The following ARPC4 variants were observed in gnomAD, a reference collection of about 807,000 sequenced individuals.
ARPC4 encodes the protein actin-related protein 2/3 complex subunit 4.
ARPC4 carries 3 observed loss-of-function variants against 22.8 expected under a neutral mutation model. The ratio of observed to expected loss-of-function variants is 0.13; its 90% CI spans 0.06 to 0.34. The LOEUF is 0.34. Ranked by LOEUF, ARPC4 falls within the 10% of genes least tolerant of loss-of-function variation. The probability of loss-of-function intolerance (pLI) is 1.00; values close to 1 mark genes in which losing one functional copy is unlikely to be tolerated. For synonymous variants in ARPC4, 80 were observed against 72.5 expected (o/e 1.10, Z -0.52); for missense variants, 98 against 211.0 (o/e 0.46, Z 3.32).
At chr3:9,804,408 C>T (rs1575335667) in intron 5 of ARPC4, among the ~76,000 whole-genome samples, 1 of 152,204 alleles carries the variant, frequency 6.6e-6, no homozygotes, top group Non-Finnish European at 1.5e-5. Flanking sequence ...CTCAAATAGA[C>T]TTCAGTACTT....
chr3:9,800,037 C>T, intron 2 of ARPC4, 148 bp from the exon 3 acceptor site: 1 of 760,582 alleles, frequency 1.3e-6, no homozygotes, highest in Non-Finnish European at 2.2e-6. Flanking sequence ...AGAACACACT[C>T]ACTGGCCCCC....
At chr3:9,796,162 GGT>G (rs1016470065) in intron 1 of ARPC4, among the ~76,000 whole-genome samples, 2 of 152,056 alleles carry the variant, frequency 1.3e-5, no homozygotes, top group African/African-American at 4.8e-5. Flanking sequence ...GAGAGGCCGA[GGT>G]GGGCGGATTG....
Position 9,803,835 on chromosome 3 carries a change from T to C in ARPC4, c.331-8T>C, listed in dbSNP as rs1288507789. The C allele has an allele frequency of 6.2e-7, 1 of 1,612,526 alleles. No individual in the cohort carries two copies. The highest frequency in any genetic ancestry group is 8.5e-7 in the Non-Finnish European group (1 of 1,178,776). On this transcript the variant is annotated splice_polypyrimidine_tract_variant and splice_region_variant and intron_variant, in intron 4 of 5. Transcript: ENST00000397261. ...TCTCTTCCCCCTCCCTACTGTCTTC[T>C]TCCCTAGGGGTATGATATCAGCTTT...
At chr3:9,803,797 C>A (rs910429165) in intron 4 of ARPC4, 46 bp from the exon 5 acceptor site, 2 of 1,585,914 alleles carry the variant, frequency 1.3e-6, no homozygotes, top group Non-Finnish European at 1.7e-6. Context: ...GGTGCTAATT[C>A]TCTCCTGTTC....
At chr3:9,796,486 C>G (rs1559726051) in intron 1 of ARPC4, among the ~76,000 whole-genome samples, 1 of 152,082 alleles carries the variant, frequency 6.6e-6, no homozygotes, top group Non-Finnish European at 1.5e-5. Flanking sequence ...CTCAAGAGGC[C>G]TTCCTTAATT....
chr3:9,794,006 C>T (rs968532794), intron 1 of ARPC4, among the ~76,000 whole-genome samples: 2 of 152,172 alleles, frequency 1.3e-5, no homozygotes, highest in African/African-American at 4.8e-5. Flanking sequence ...TGTTCTTCCT[C>T]CTGGGTTCCC....
chr3:9,804,358 C>T (rs1236136405), intron 5 of ARPC4: 1 of 204,752 alleles, frequency 4.9e-6, no homozygotes, highest in African/African-American at 2.3e-5. Flanking sequence ...TGTGAATTTT[C>T]TAGGAGTATA....
rs1358128736 is a variant in ARPC4 at position 9,803,999 on chromosome 3, GAGTTCCTTA to G, written c.490_498del (p.Phe164_Lys166del). 6.2e-7 allele frequency: 1 copy of G among 1,614,168 alleles called. No individual in the cohort carries two copies. The highest frequency in any genetic ancestry group is 8.5e-7 in the Non-Finnish European group (1 of 1,180,040). On this transcript the variant is annotated inframe_deletion, in exon 5 of 6. Transcript: ENST00000397261. The stretch of plus-strand genomic sequence containing the variant: ...TGCCCGTGCCCGCATTGTGGCTGAA[GAGTTCCTTA>G]AGAATGTGAGTAGGGGCCTTTAGCT...
At chr3:9,796,478 C>A (rs2078890353) in intron 1 of ARPC4, among the ~76,000 whole-genome samples, 1 of 152,156 alleles carries the variant, frequency 6.6e-6, no homozygotes, top group Non-Finnish European at 1.5e-5. Context: ...AGGTCTCTCT[C>A]AAGAGGCCTT....
chr3:9,792,885 C>G, upstream of ARPC4: 4 of 1,386,640 alleles, frequency 2.9e-6, no homozygotes, highest in Non-Finnish European at 3.7e-6. Flanking sequence ...TGCACCCATT[C>G]CTGGAGGAGC....
intron 5 of ARPC4, 59 bp from the exon 6 acceptor site, chr3:9,806,151 G>A: frequency 1.3e-6 from 2 of 1,598,168 alleles, no homozygotes; most frequent in Non-Finnish European, 1.7e-6. Context: ...CCTCCTTAGA[G>A]CAGTGCCACC....
chr3:9,803,183 C>T (rs1278654756), intron 4 of ARPC4, among the ~76,000 whole-genome samples: 7 of 152,100 alleles, frequency 4.6e-5, no homozygotes, highest in Admixed American at 4.6e-4. Flanking sequence ...GCGCCCGGCC[C>T]ACTGAATCAG....
chr3:9,796,542 G>A (rs949209650), intron 1 of ARPC4, among the ~76,000 whole-genome samples: 3 of 152,198 alleles, frequency 2.0e-5, no homozygotes, highest in Non-Finnish European at 2.9e-5. Context: ...GAGGAGAAAA[G>A]CCTACAGATA....
intron 2 of ARPC4, among the ~76,000 whole-genome samples, chr3:9,798,400 A>G (rs1243891847): frequency 6.6e-6 from 1 of 152,080 alleles, no homozygotes; most frequent in Non-Finnish European, 1.5e-5. Flanking sequence ...CCTGGGCAAC[A>G]TGGCAAGACT....
intron 1 of ARPC4, among the ~76,000 whole-genome samples, chr3:9,793,691 C>T (rs575615299): frequency 1.3e-5 from 2 of 152,308 alleles, no homozygotes; most frequent in African/African-American, 4.8e-5. Context: ...TGTATGTTAG[C>T]TGTGATACTG....
intron 2 of ARPC4, chr3:9,798,220 A>C (rs535443166): frequency 6.5e-6 from 1 of 153,596 alleles, no homozygotes; most frequent in African/African-American, 2.4e-5. Flanking sequence ...CCCTAATCCA[A>C]ATACTTCATA....
At chr3:9,793,189 G>C (rs988637549) in intron 1 of ARPC4, 65 bp downstream of exon 1, 11 of 1,517,412 alleles carry the variant, frequency 7.2e-6, no homozygotes, top group Middle Eastern at 1.7e-4. Context: ...TGGGTCGGTG[G>C]GAGATGTGGC....
At chr3:9,794,415 C>T (rs1173586839) in intron 1 of ARPC4, among the ~76,000 whole-genome samples, 1 of 152,120 alleles carries the variant, frequency 6.6e-6, no homozygotes, top group South Asian at 2.1e-4. Flanking sequence ...AGGAGAATGG[C>T]GTGAACCCAG....
chr3:9,806,868 C>T lies in ARPC4; in HGVS notation c.*653C>T, dbSNP rs1301755344. The T allele has an allele frequency of 6.5e-6, 1 of 153,082 alleles. No homozygotes were observed. Among genetic ancestry groups the T allele is most frequent in the African/African-American group, 2.4e-5 (1 of 41,472 alleles). 9.5% of individuals were successfully genotyped at this position (153,082 alleles called of 1,614,324 possible). A position where few individuals can be genotyped will look rare whatever the true frequency, so the allele number is the denominator to read the frequency against. ...GGCCCAAAAGCCGGGCAACCTCTGG[C>T]TACAGGGGCCATTGGGTGCCCTCCC... is the stretch of plus-strand genomic sequence containing the variant. On this transcript the variant is annotated 3_prime_UTR_variant, in exon 6 of 6. Coordinates refer to ENST00000397261, the MANE Select transcript of ARPC4 (RefSeq NM_005718.5).
Sources: gnomAD v4.1 joint callset for allele counts (sites outside exome capture counted in the v4.1 genomes callset) on GRCh38, gnomAD v4.1.1 for gene constraint, MANE v1.5 for transcripts, NCBI Gene and HGNC (gene_info 2026-07-23, HGNC 2026-07-21) for gene names.